ETV4: variants seen among roughly 807,000 people sequenced by gnomAD.
ETV4 encodes the protein ETS variant transcription factor 4, also known as ETS translocation variant 4.
Under a neutral mutation model 65.9 loss-of-function variants are expected in ETV4, and 42 were observed. The observed-to-expected ratio is 0.64, with a 90% CI of 0.50 to 0.82. The LOEUF (loss-of-function observed/expected upper bound fraction) is 0.82, where lower values mean the gene tolerates loss of function less well. Ranked by LOEUF, ETV4 falls within the 40% of genes least tolerant of loss-of-function variation. The pLI, the probability that ETV4 is intolerant of heterozygous loss-of-function variation, is 0.00. For synonymous variants in ETV4, 238 were observed against 260.0 expected (o/e 0.92, Z 0.81); for missense variants, 583 against 630.3 (o/e 0.92, Z 0.80).
intron 11 of ETV4, 102 bp from the exon 12 acceptor site, chr17:43,529,338 A>C: frequency 1.4e-6 from 2 of 1,415,280 alleles, no homozygotes; most frequent in Non-Finnish European, 2.0e-6. Flanking sequence ...CAAAGTGCCA[A>C]GCTAGCTCTG....
chr17:43,532,009 T>A (rs1056038878), intron 8 of ETV4, among the ~76,000 whole-genome samples: 2 of 152,102 alleles, frequency 1.3e-5, no homozygotes, highest in Non-Finnish European at 2.9e-5. Context: ...AGGATCTACA[T>A]CCCCCTTTAT....
At chr17:43,535,684 T>C (rs1310537832) in intron 5 of ETV4, among the ~76,000 whole-genome samples, 1 of 152,212 alleles carries the variant, frequency 6.6e-6, no homozygotes, top group Non-Finnish European at 1.5e-5. Flanking sequence ...CTTTTAGCAG[T>C]ATCCCTGGCC....
rs1340829584 is a variant in ETV4 at position 43,545,639 on chromosome 17, A to G, written c.-22T>C. 1 of 1,543,942 alleles carries G rather than the reference A, an allele frequency of 6.5e-7. No individual in the cohort carries two copies. The highest frequency in any genetic ancestry group is 1.2e-5 in the South Asian group (1 of 83,876). ...CCATCCGGCCGCTCCCTCCGGCCGC[A>G]CGGCCGGGGCCCCAAGCGGGGGCCG... On this transcript the variant is annotated 5_prime_UTR_variant, in exon 2 of 13. Coordinates refer to ENST00000319349, the MANE Select transcript of ETV4 (RefSeq NM_001079675.5).
chr17:43,530,609 CGTGTGT>C (rs58803566), intron 8 of ETV4, among the ~76,000 whole-genome samples: 174 of 119,066 alleles, frequency 1.5e-3, no homozygotes, highest in South Asian at 1.4e-3. Flanking sequence ...TGCACGCGCG[CGTGTGT>C]GTGTGTGTGT....
At position 43,545,275 on chromosome 17, in the gene ETV4, T is replaced by C. The variant is rs375523062; in HGVS notation, c.153A>G (p.Glu51=). ...CGGTTTGTCTCTCTTGCTCTTTACCTTCAGAGTCGAGGGGCGGCAGGGAGC... is the reference window on the plus strand; with the variant it reads ...CGGTTTGTCTCTCTTGCTCTTTACCCTCAGAGTCGAGGGGCGGCAGGGAGC... The part of the protein sequence containing the change: ...DPGSLPPLDS[E]DLFQDLSHFQ... Residue 51 remains glutamate (E), a splice_region_variant and synonymous_variant, in exon 3 of 13, where the codon GAA becomes GAG. Coordinates refer to ENST00000319349, the MANE Select transcript of ETV4 (RefSeq NM_001079675.5). 5.0e-6 allele frequency: 8 copies of C among 1,602,858 alleles called. No individual in the cohort carries two copies. In the South Asian group the frequency reaches 8.9e-5, roughly 18 times the overall value.
rs779825573 is a variant in ETV4 at position 43,528,766 on chromosome 17, G to A, written c.1231-23C>T. 2.5e-6 allele frequency: 4 copies of A among 1,605,800 alleles called. No individual in the cohort carries two copies. The South Asian group carries it at 4.4e-5, about 18-fold the overall frequency. On this transcript the variant is annotated intron_variant, in intron 12 of 12. Coordinates refer to ENST00000319349, the MANE Select transcript of ETV4 (RefSeq NM_001079675.5). ...CACCTATGGGGAGAGAGAAGGTCTG[G>A]TCAGCCTGGCTAGCCGCCCAGCCTT...
chr17:43,530,704 A>G (rs1337867200), intron 8 of ETV4, among the ~76,000 whole-genome samples: 1 of 151,920 alleles, frequency 6.6e-6, no homozygotes, highest in African/African-American at 2.4e-5. Context: ...TTGTTTTTTC[A>G]GGTCTAACAG....
intron 6 of ETV4, 80 bp from the exon 7 acceptor site, chr17:43,533,428 AGGTCACAG>A: frequency 7.3e-7 from 1 of 1,375,454 alleles, no homozygotes. Flanking sequence ...TAGGAAAGCG[AGGTCACAG>A]GGATTACAGG....
chr17:43,540,209 T>C (rs1365688212), intron 4 of ETV4, among the ~76,000 whole-genome samples: 2 of 152,132 alleles, frequency 1.3e-5, no homozygotes, highest in African/African-American at 2.4e-5. Context: ...TCCCAGCACT[T>C]TGGGAGGCTG....
chr17:43,542,421 C>G (rs1389456747), intron 4 of ETV4, among the ~76,000 whole-genome samples: 1 of 152,082 alleles, frequency 6.6e-6, no homozygotes. Flanking sequence ...GGATTCAGGG[C>G]TCCTGACAAG....
At chr17:43,529,764 G>A in intron 10 of ETV4, 88 bp from the exon 11 acceptor site, 1 of 1,591,582 alleles carries the variant, frequency 6.3e-7, no homozygotes, top group Admixed American at 1.7e-5. Flanking sequence ...TCTCGAAGGG[G>A]TCTCCCCAGG....
At chr17:43,529,825 C>T in intron 10 of ETV4, 59 bp downstream of exon 10, 3 of 1,604,546 alleles carry the variant, frequency 1.9e-6, no homozygotes, top group Non-Finnish European at 2.6e-6. Context: ...TGATGTGACT[C>T]CTGCAGGGAC....
At chr17:43,545,717 A>C in intron 1 of ETV4, 49 bp from the exon 2 acceptor site, 1 of 641,706 alleles carries the variant, frequency 1.6e-6, no homozygotes, top group Non-Finnish European at 2.5e-6. Flanking sequence ...GAGGGCTGCG[A>C]TGGGGGCGGG....
In ETV4 at chr17:43,533,359, G is replaced by A; in HGVS notation, c.384-11C>T. Reference sequence around the variant, plus strand: ...GGGGGGTCATAGGCACTGGAGTTGAGAAGGAGACAGGGGTGAGGGGGCAGA... The same window carrying A: ...GGGGGGTCATAGGCACTGGAGTTGAAAAGGAGACAGGGGTGAGGGGGCAGA... On this transcript the variant is annotated splice_polypyrimidine_tract_variant and intron_variant, in intron 6 of 12. Transcript: ENST00000319349. The A allele has an allele frequency of 1.2e-6, 2 of 1,609,780 alleles. No individual in the cohort carries two copies. The highest frequency in any genetic ancestry group is 1.7e-6 in the Non-Finnish European group (2 of 1,176,526).
rs763095269 is a variant in ETV4, at chr17:43,529,968, G to A, written c.887-16C>T. ...TAGCCATAGCCTTGTGGAGGAAATTGGGGGTTGCTCAGATCTGGGGGTTCA... is the reference window on the plus strand; with the variant it reads ...TAGCCATAGCCTTGTGGAGGAAATTAGGGGTTGCTCAGATCTGGGGGTTCA... On this transcript the variant is annotated splice_polypyrimidine_tract_variant and intron_variant, in intron 9 of 12. Coordinates refer to ENST00000319349, the MANE Select transcript of ETV4 (RefSeq NM_001079675.5). 1.2e-6 allele frequency: 2 copies of A among 1,614,108 alleles called. No homozygotes were observed. Among genetic ancestry groups the A allele is most frequent in the East Asian group, 4.5e-5 (2 of 44,842 alleles).
chr17:43,533,894 G>A lies in ETV4; in HGVS notation c.348C>T (p.Leu116=), dbSNP rs1405182867. The change falls in exon 6 of 13, where the codon CTC becomes CTT. Residue 116 remains leucine, a synonymous_variant. Transcript: ENST00000319349. The part of the protein sequence containing the change: ...PALSCSRKPP[L]PYHHGEQCLY... ...GGCACTGCTCGCCATGGTGGTAGGG[G>A]AGTGGCGGCTTCCTGCTGCAGGACA... The A allele has an allele frequency of 6.3e-7, 1 of 1,599,214 alleles. No homozygotes were observed. The highest frequency in any genetic ancestry group is 8.5e-7 in the Non-Finnish European group (1 of 1,174,696).
Position 43,545,292 on chromosome 17 carries a change from G to A in ETV4, c.136C>T (p.Pro46Ser). ...LGKLMDPGSL[P>S]PLDSEDLFQD... is the part of the protein sequence containing the mutation. ...TCTTTACCTTCAGAGTCGAGGGGCG[G>A]CAGGGAGCCCGGGTCCATGAGCTTC... Residue 46 changes from proline (P) to serine (S), a missense_variant, in exon 3 of 13, where the codon CCG (proline) becomes TCG (serine). Transcript: ENST00000319349. 1 of 1,608,734 alleles carries A rather than the reference G, an allele frequency of 6.2e-7. No individual in the cohort carries two copies. The highest frequency in any genetic ancestry group is 8.5e-7 in the Non-Finnish European group (1 of 1,177,518).
chr17:43,545,944 TG>T, intron 1 of ETV4: 1 of 288,804 alleles, frequency 3.5e-6, no homozygotes, highest in Non-Finnish European at 6.4e-6. Context: ...CGTGTGTGTG[TG>T]TGTGTGTGTG....
chr17:43,535,450 G>C (rs969272258), intron 5 of ETV4, among the ~76,000 whole-genome samples: 1 of 152,014 alleles, frequency 6.6e-6, no homozygotes, highest in African/African-American at 2.4e-5. Flanking sequence ...GCTAATTTTT[G>C]TATTTTAGTA....
Sources: gnomAD v4.1 joint callset for allele counts (sites outside exome capture counted in the v4.1 genomes callset) on GRCh38, gnomAD v4.1.1 for gene constraint, MANE v1.5 for transcripts, NCBI Gene and HGNC (gene_info 2026-07-23, HGNC 2026-07-21) for gene names.